SLC8A1: variants seen among roughly 807,000 people sequenced by gnomAD.
SLC8A1 encodes sodium/calcium exchanger 1.
Under a neutral mutation model 68.3 loss-of-function variants are expected in SLC8A1, and 18 were observed. That is an observed-to-expected ratio of 0.26 (90% CI 0.18 to 0.39). The LOEUF (loss-of-function observed/expected upper bound fraction) is 0.39, where lower values mean the gene tolerates loss of function less well. Among genes scored for constraint, SLC8A1 ranks in the 10% least tolerant of loss-of-function variants. The pLI, the probability that SLC8A1 is intolerant of heterozygous loss-of-function variation, is 1.00. For synonymous variants in SLC8A1, 475 were observed against 415.5 expected, an observed-to-expected ratio of 1.14 and a Z score of -1.74; for missense variants, 985 against 1,156.7, an observed-to-expected ratio of 0.85 and a Z score of 2.15.
chr2:40,287,641 T>C (rs540131291), intron 2 of SLC8A1, among the ~76,000 whole-genome samples: 5 of 143,130 alleles, frequency 3.5e-5, no homozygotes, highest in East Asian at 2.1e-4. Context: ...CAAGGGGGCA[T>C]CTTAGCTCAA....
chr2:40,230,763 A>C (rs573014919), intron 2 of SLC8A1, among the ~76,000 whole-genome samples: 1 of 152,298 alleles, frequency 6.6e-6, no homozygotes, highest in African/African-American at 2.4e-5. Context: ...AAGAACAAAA[A>C]ATAAATGTAC....
At chr2:40,226,535 T>C (rs1382962414) in intron 2 of SLC8A1, among the ~76,000 whole-genome samples, 2 of 152,148 alleles carry the variant, frequency 1.3e-5, no homozygotes, top group East Asian at 3.9e-4. Context: ...AAATCCTTGC[T>C]CTACAAAGGA....
chr2:40,463,644 T>C (rs1247704696), intron 1 of SLC8A1, among the ~76,000 whole-genome samples: 1 of 152,164 alleles, frequency 6.6e-6, no homozygotes, highest in Non-Finnish European at 1.5e-5. Context: ...CTATCCCTTG[T>C]CTGGGGTCTC....
intron 2 of SLC8A1, among the ~76,000 whole-genome samples, chr2:40,221,142 G>A (rs1467424871): frequency 6.6e-6 from 1 of 152,042 alleles, no homozygotes; most frequent in Non-Finnish European, 1.5e-5. Context: ...ATAAAATACT[G>A]GCAACCTGAA....
At chr2:40,435,490 G>A (rs1699213751) in intron 1 of SLC8A1, among the ~76,000 whole-genome samples, 1 of 152,066 alleles carries the variant, frequency 6.6e-6, no homozygotes, top group South Asian at 2.1e-4. Context: ...CCTCTCTGCT[G>A]TTTAATACTT....
chr2:40,130,633 A>G lies in SLC8A1; in HGVS notation c.2437+8768T>C, dbSNP rs115742653. Among the ~76,000 whole-genome samples the G allele has an allele frequency of 8.6e-3, 1,304 of 152,360 alleles. 12 individuals are homozygous for G. Among genetic ancestry groups the G allele is most frequent in the African/African-American group, 0.029 (1,187 of 41,578 alleles). Reference sequence around the variant, plus strand: ...TTGCTTATTAGAGTATGTGAAAACAAAATATACTTGCCCTTTAGTAGCCTC... The same window carrying G: ...TTGCTTATTAGAGTATGTGAAAACAGAATATACTTGCCCTTTAGTAGCCTC... On this transcript the variant is annotated intron_variant, in intron 7 of 7. Transcript: ENST00000406785.
intron 6 of SLC8A1, among the ~76,000 whole-genome samples, chr2:40,146,719 T>G (rs2042541461): frequency 6.6e-6 from 1 of 152,084 alleles, no homozygotes; most frequent in African/African-American, 2.4e-5. Flanking sequence ...AATACTATTG[T>G]ACATAAAATT....
At chr2:40,331,987 T>C (rs140142952) in intron 2 of SLC8A1, among the ~76,000 whole-genome samples, 199 of 152,112 alleles carry the variant, frequency 1.3e-3, no homozygotes, top group African/African-American at 4.7e-3. Context: ...TGAGCTATGA[T>C]CGCACTGTCT....
chr2:40,350,655 G>A (rs1670798159), intron 2 of SLC8A1, among the ~76,000 whole-genome samples: 1 of 129,390 alleles, frequency 7.7e-6, no homozygotes, highest in Non-Finnish European at 1.6e-5. Flanking sequence ...ATTACTCTAT[G>A]TGTAAATTTG....
exon 8 of SLC8A1, chr2:40,107,767 T>C (rs376115750): frequency 1.6e-4 from 24 of 152,168 alleles, no homozygotes; most frequent in African/African-American, 5.8e-4. Context: ...CACCTACTTT[T>C]ACATGTGTGT....
intron 2 of SLC8A1, among the ~76,000 whole-genome samples, chr2:40,308,768 C>A (rs1183396828): frequency 6.6e-6 from 1 of 152,226 alleles, no homozygotes; most frequent in African/African-American, 2.4e-5. Context: ...AGATCAGACA[C>A]CTGGCTGATT....
rs181160795 is a variant in SLC8A1, at chr2:40,339,925, T to C, written c.1808+88548A>G. 2.0e-5 allele frequency among the ~76,000 whole-genome samples: 3 copies of C among 152,344 alleles called. No individual in the cohort carries two copies. The South Asian group carries it at 6.2e-4, about 32-fold the overall frequency. On this transcript the variant is annotated intron_variant, in intron 2 of 7. Coordinates refer to ENST00000406785, the Ensembl canonical transcript of SLC8A1. ...TTGTGTATACTTTCACAAATTCAGG[T>C]GACAAAGCTAGGTCAATCAAACACA...
At chr2:40,182,046 TC>T (rs886841101) in intron 2 of SLC8A1, among the ~76,000 whole-genome samples, 1 of 152,160 alleles carries the variant, frequency 6.6e-6, no homozygotes, top group African/African-American at 2.4e-5. Context: ...GCCACACCAA[TC>T]CCATGTCCAC....
chr2:40,404,343 T>C (rs773875200), intron 2 of SLC8A1, among the ~76,000 whole-genome samples: 1 of 152,230 alleles, frequency 6.6e-6, no homozygotes, highest in Non-Finnish European at 1.5e-5. Flanking sequence ...TTATTCTCAG[T>C]TGCAAACACT....
chr2:40,417,850 A>C (rs1185189066), intron 2 of SLC8A1, among the ~76,000 whole-genome samples: 4 of 133,866 alleles, frequency 3.0e-5, no homozygotes, highest in Non-Finnish European at 1.5e-5. Flanking sequence ...GGAGTCAGGC[A>C]CACTGATAGC....
intron 2 of SLC8A1, among the ~76,000 whole-genome samples, chr2:40,299,332 GA>G (rs1271528869): frequency 2.0e-5 from 3 of 152,154 alleles, no homozygotes; most frequent in African/African-American, 7.2e-5. Context: ...ACAGAGTGGA[GA>G]AAAACTTATT....
intron 2 of SLC8A1, among the ~76,000 whole-genome samples, chr2:40,242,524 T>G (rs1558917753): frequency 6.6e-6 from 1 of 152,124 alleles, no homozygotes; most frequent in Non-Finnish European, 1.5e-5. Flanking sequence ...AGAACAATGG[T>G]TGCATCCAGC....
At chr2:40,103,091 A>C (rs2033991503) in exon 8 of SLC8A1, 1 of 152,194 alleles carries the variant, frequency 6.6e-6, no homozygotes, top group South Asian at 2.1e-4. Context: ...CAGTGGTAAT[A>C]AAGTTGGAAT....
intron 2 of SLC8A1, among the ~76,000 whole-genome samples, chr2:40,212,693 T>C (rs2148788676): frequency 6.6e-6 from 1 of 152,366 alleles, no homozygotes; most frequent in Middle Eastern, 3.4e-3. Flanking sequence ...AGATGGAGCA[T>C]TAACAAGTGA....
Sources: gnomAD v4.1 joint callset for allele counts (sites outside exome capture counted in the v4.1 genomes callset) on GRCh38, gnomAD v4.1.1 for gene constraint, MANE v1.5 for transcripts, NCBI Gene and HGNC (gene_info 2026-07-23, HGNC 2026-07-21) for gene names.